NARS2: variants seen among roughly 807,000 people sequenced by gnomAD.
NARS2 encodes asparaginyl-tRNA synthetase 2, mitochondrial.
NARS2 carries 60 observed loss-of-function variants against 62.9 expected under a neutral mutation model. The ratio of observed to expected loss-of-function variants is 0.95; its 90% CI spans 0.77 to 1.18. The LOEUF is 1.18. NARS2 is among the 50% of genes most tolerant of loss of function. NARS2 has a pLI of 0.00. For missense variants in NARS2, 619 were observed against 576.4 expected (o/e 1.07, Z -0.76); for synonymous variants, 196 against 200.0 (o/e 0.98, Z 0.17).
intron 9 of NARS2, among the ~76,000 whole-genome samples, chr11:78,469,671 C>T (rs1858782100): frequency 6.6e-6 from 1 of 152,146 alleles, no homozygotes; most frequent in Non-Finnish European, 1.5e-5. Flanking sequence ...ATATACTTGG[C>T]ACCTACTAGG....
At position 78,559,648 on chromosome 11, in the gene NARS2, T is replaced by C. The variant is rs762968555; in HGVS notation, c.514-29A>G. 16 of 1,446,796 alleles carry C rather than the reference T, an allele frequency of 1.1e-5. No homozygotes were observed. In the Admixed American group the frequency reaches 1.5e-4, roughly 14 times the overall value. 89.6% of individuals were successfully genotyped at this position (1,446,796 alleles called of 1,614,324 possible). The stretch of plus-strand genomic sequence containing the variant: ...AAAAAGAAAACCACTGTTTTCAGGA[T>C]ATTTGCACATTCAACAATTCCAAGA... On this transcript the variant is annotated intron_variant, in intron 4 of 13. Coordinates refer to ENST00000281038, the MANE Select transcript of NARS2 (RefSeq NM_024678.6).
At chr11:78,475,050 C>T (rs938629251) in intron 9 of NARS2, among the ~76,000 whole-genome samples, 2 of 152,132 alleles carry the variant, frequency 1.3e-5, no homozygotes, top group Non-Finnish European at 2.9e-5. Context: ...CTTTGTACCC[C>T]TTGGACAATT....
intron 6 of NARS2, among the ~76,000 whole-genome samples, chr11:78,516,766 T>A (rs934291070): frequency 1.3e-5 from 2 of 152,228 alleles, no homozygotes; most frequent in African/African-American, 4.8e-5. Context: ...TATTTTCTGA[T>A]AAATAGAATT....
chr11:78,537,162 T>C (rs1317778936), intron 5 of NARS2, among the ~76,000 whole-genome samples: 1 of 152,140 alleles, frequency 6.6e-6, no homozygotes, highest in African/African-American at 2.4e-5. Context: ...TCAGAAAGTA[T>C]CTCCATCGTT....
At chr11:78,511,722 A>G (rs202233047) in intron 6 of NARS2, among the ~76,000 whole-genome samples, 11 of 14,900 alleles carry the variant, frequency 7.4e-4, no homozygotes, top group Non-Finnish European at 2.1e-3. Context: ...GTCTCCAAAG[A>G]AAAAAAAAAA....
At chr11:78,519,703 GTTT>G (rs200566633) in intron 6 of NARS2, among the ~76,000 whole-genome samples, 1 of 144,302 alleles carries the variant, frequency 6.9e-6, no homozygotes, top group African/African-American at 2.5e-5. Flanking sequence ...TAGTTGTTGA[GTTT>G]TTTTTTTTTT....
chr11:78,505,412 A>G (rs1015851511), intron 6 of NARS2, among the ~76,000 whole-genome samples: 1 of 152,016 alleles, frequency 6.6e-6, no homozygotes, highest in African/African-American at 2.4e-5. Flanking sequence ...AACAGATCCA[A>G]TAGCATAGTA....
At position 78,463,777 on chromosome 11, in the gene NARS2, A is replaced by G. The variant is rs904797272; in HGVS notation, c.1164+2099T>C. ...ACGGTAAAGGGATGAGAGAGACAAA[A>G]CAGGCAGACAGAGAAGAGACGGTCA... On this transcript the variant is annotated intron_variant, in intron 11 of 13. Transcript: ENST00000281038. Among the ~76,000 whole-genome samples the G allele has an allele frequency of 2.2e-4, 33 of 151,996 alleles. 1 individual carries two copies. Among genetic ancestry groups the G allele is most frequent in the Non-Finnish European group, 2.1e-4 (14 of 67,946 alleles).
At chr11:78,571,484 T>C in intron 1 of NARS2, 40 bp from the exon 2 acceptor site, 1 of 1,453,460 alleles carries the variant, frequency 6.9e-7, no homozygotes, top group Non-Finnish European at 9.6e-7. Context: ...CGTAAAACAT[T>C]TTACGTTTTC....
At chr11:78,454,361 G>A (rs1479078038) in intron 11 of NARS2, among the ~76,000 whole-genome samples, 10 of 152,184 alleles carry the variant, frequency 6.6e-5, no homozygotes, top group South Asian at 4.1e-4. Context: ...CATGAATGGC[G>A]TTGTGCCATT....
intron 5 of NARS2, among the ~76,000 whole-genome samples, chr11:78,537,291 T>C (rs1175494871): frequency 6.6e-6 from 1 of 152,208 alleles, no homozygotes; most frequent in Non-Finnish European, 1.5e-5. Context: ...CCTGGATTCA[T>C]TTCTATCAAT....
chr11:78,485,993 G>C (rs1204262703), intron 7 of NARS2, among the ~76,000 whole-genome samples: 4 of 152,114 alleles, frequency 2.6e-5, no homozygotes. Flanking sequence ...TCATGCCTCA[G>C]CCTCCCAAGT....
At chr11:78,520,351 T>C (rs1861069191) in intron 6 of NARS2, among the ~76,000 whole-genome samples, 1 of 152,190 alleles carries the variant, frequency 6.6e-6, no homozygotes, top group African/African-American at 2.4e-5. Context: ...TGTCTTAGCA[T>C]TCTTCCCTGT....
At chr11:78,516,028 T>C (rs1012590231) in intron 6 of NARS2, among the ~76,000 whole-genome samples, 1 of 152,198 alleles carries the variant, frequency 6.6e-6, no homozygotes, top group Non-Finnish European at 1.5e-5. Context: ...CTCTGGGCCA[T>C]GAAAAGTTGG....
chr11:78,443,628 C>T, intron 12 of NARS2, 33 bp downstream of exon 12: 1 of 1,523,584 alleles, frequency 6.6e-7, no homozygotes, highest in Non-Finnish European at 9.1e-7. Context: ...TGCTCAATTT[C>T]TCAATTGTGT....
At chr11:78,503,025 A>T (rs1429603780) in intron 6 of NARS2, among the ~76,000 whole-genome samples, 1 of 150,110 alleles carries the variant, frequency 6.7e-6, no homozygotes, top group Admixed American at 6.6e-5. Flanking sequence ...GAATGACGAG[A>T]TTGTCTATCA....
At chr11:78,572,333 G>A (rs1019972004) in intron 1 of NARS2, among the ~76,000 whole-genome samples, 10 of 152,040 alleles carry the variant, frequency 6.6e-5, no homozygotes, top group East Asian at 3.8e-4. Context: ...AAAACTTAAC[G>A]AAGTGGTTAT....
At chr11:78,483,652 G>A (rs1298573078) in intron 7 of NARS2, among the ~76,000 whole-genome samples, 7 of 152,010 alleles carry the variant, frequency 4.6e-5, no homozygotes, top group Admixed American at 2.0e-4. Context: ...GCTACAAAGA[G>A]AATAAAATAC....
intron 11 of NARS2, among the ~76,000 whole-genome samples, chr11:78,459,838 T>C (rs1460151156): frequency 6.6e-6 from 1 of 152,204 alleles, no homozygotes. Flanking sequence ...AGATGTAAAA[T>C]TACAACTGTT....
Sources: gnomAD v4.1 joint callset for allele counts (sites outside exome capture counted in the v4.1 genomes callset) on GRCh38, gnomAD v4.1.1 for gene constraint, MANE v1.5 for transcripts, NCBI Gene and HGNC (gene_info 2026-07-23, HGNC 2026-07-21) for gene names.